LSAMP: variants seen among roughly 807,000 people sequenced by gnomAD.
LSAMP encodes the protein limbic system-associated membrane protein.
A neutral mutation model predicts 38.6 loss-of-function variants in LSAMP; 7 were observed. That is an observed-to-expected ratio of 0.18 (90% CI 0.10 to 0.34). The LOEUF is 0.34. Ranked by LOEUF, LSAMP falls within the 10% of genes least tolerant of loss-of-function variation. The probability of loss-of-function intolerance (pLI) is 1.00; values close to 1 mark genes in which losing one functional copy is unlikely to be tolerated. For missense variants in LSAMP, 313 were observed against 420.0 expected (o/e 0.75, Z 2.23); for synonymous variants, 154 against 166.8 (o/e 0.92, Z 0.59).
At chr3:116,231,322 C>T (rs554573701) in intron 1 of LSAMP, among the ~76,000 whole-genome samples, 2 of 152,144 alleles carry the variant, frequency 1.3e-5, no homozygotes, top group African/African-American at 4.8e-5. Context: ...TCTGACTGTT[C>T]TCCATGCTGA....
chr3:116,137,156 T>C (rs949195647), intron 1 of LSAMP, among the ~76,000 whole-genome samples: 1 of 152,060 alleles, frequency 6.6e-6, no homozygotes, highest in Non-Finnish European at 1.5e-5. Flanking sequence ...TGTCTTCTTC[T>C]TTTTATTTTT....
intron 1 of LSAMP, among the ~76,000 whole-genome samples, chr3:116,117,620 GA>G (rs1194602324): frequency 1.3e-5 from 2 of 152,224 alleles, no homozygotes; most frequent in Non-Finnish European, 2.9e-5. Context: ...TCTTGGCTGT[GA>G]TAGCTTCTCA....
chr3:116,169,814 T>A (rs558042518), intron 1 of LSAMP, among the ~76,000 whole-genome samples: 1 of 152,354 alleles, frequency 6.6e-6, no homozygotes, highest in South Asian at 2.1e-4. Flanking sequence ...CCACTCATGC[T>A]GTTGATTACT....
At chr3:115,905,213 CAG>C (rs1936979062) in intron 3 of LSAMP, among the ~76,000 whole-genome samples, 1 of 152,048 alleles carries the variant, frequency 6.6e-6, no homozygotes, top group Non-Finnish European at 1.5e-5. Flanking sequence ...ATTTTTAAGT[CAG>C]AGTCTGTCTC....
intron 1 of LSAMP, among the ~76,000 whole-genome samples, chr3:116,396,985 T>C (rs1410126769): frequency 6.6e-6 from 1 of 152,214 alleles, no homozygotes; most frequent in Non-Finnish European, 1.5e-5. Flanking sequence ...ATAGCTTTTG[T>C]CCATGCTATC....
chr3:115,810,093 C>A lies in LSAMP; in HGVS notation c.*224G>T, dbSNP rs182517694. On this transcript the variant is annotated 3_prime_UTR_variant, in exon 7 of 7. Transcript: ENST00000490035. Reference sequence around the variant, plus strand: ...CATATCCCAGTAGAACCTTCTCCATCCTGAATGATACATAAATTTTTAATG... The same window carrying A: ...CATATCCCAGTAGAACCTTCTCCATACTGAATGATACATAAATTTTTAATG... The A allele has an allele frequency of 2.6e-5, 13 of 504,486 alleles. No individual in the cohort carries two copies. In the Admixed American group the frequency reaches 2.7e-4, roughly 11 times the overall value. The allele number at this position is 504,486 out of a possible 1,614,324, so 31.3% of individuals were successfully genotyped here.
At chr3:115,923,844 G>A (rs979258404) in intron 3 of LSAMP, among the ~76,000 whole-genome samples, 5 of 152,076 alleles carry the variant, frequency 3.3e-5, no homozygotes, top group African/African-American at 1.2e-4. Flanking sequence ...AATATTCATA[G>A]CACTTTTTTC....
intron 1 of LSAMP, among the ~76,000 whole-genome samples, chr3:116,268,183 C>T (rs1465443582): frequency 1.3e-5 from 2 of 149,432 alleles, no homozygotes; most frequent in African/African-American, 2.5e-5. Flanking sequence ...TGTACTATTC[C>T]TAAACTATTA....
intron 2 of LSAMP, among the ~76,000 whole-genome samples, chr3:116,036,490 A>C (rs1576323485): frequency 1.3e-5 from 2 of 152,238 alleles, no homozygotes; most frequent in South Asian, 4.1e-4. Flanking sequence ...TCTTTGACTA[A>C]TTCTGTGCCT....
intron 2 of LSAMP, among the ~76,000 whole-genome samples, chr3:116,033,904 G>C (rs1940988362): frequency 6.6e-6 from 1 of 152,070 alleles, no homozygotes; most frequent in African/African-American, 2.4e-5. Flanking sequence ...AATTTTTCTT[G>C]CTTGACTTTG....
chr3:116,260,788 C>T (rs2046816008), intron 1 of LSAMP, among the ~76,000 whole-genome samples: 2 of 152,126 alleles, frequency 1.3e-5, no homozygotes, highest in Non-Finnish European at 2.9e-5. Flanking sequence ...GTATCTATGC[C>T]TTGAGGATAA....
chr3:116,431,829 A>G (rs549827410), intron 1 of LSAMP, among the ~76,000 whole-genome samples: 39 of 152,204 alleles, frequency 2.6e-4, no homozygotes, highest in African/African-American at 9.4e-4. Flanking sequence ...TTTGAAAGAA[A>G]ATAGAAATTT....
At chr3:116,420,513 AAACT>A (rs1454440254) in intron 1 of LSAMP, among the ~76,000 whole-genome samples, 9 of 152,204 alleles carry the variant, frequency 5.9e-5, no homozygotes, top group African/African-American at 2.2e-4. Context: ...ATCTAAGGAC[AAACT>A]AACATATTTC....
chr3:116,018,009 C>A (rs1940533656), intron 3 of LSAMP, among the ~76,000 whole-genome samples: 1 of 152,056 alleles, frequency 6.6e-6, no homozygotes, highest in Non-Finnish European at 1.5e-5. Flanking sequence ...TTAATTCATT[C>A]CAAGGGAAAG....
Position 115,810,268 on chromosome 3 carries a change from G to A in LSAMP, c.*49C>T, listed in dbSNP as rs760519637. On this transcript the variant is annotated 3_prime_UTR_variant, in exon 7 of 7. Transcript: ENST00000490035. ...CTGTCTCTCTCTCTCTGTATTCTGT[G>A]TGACGCATTTTTGTGTGTTTTTTAA... 1.7e-4 allele frequency: 216 copies of A among 1,259,308 alleles called. No individual in the cohort carries two copies. Among genetic ancestry groups the A allele is most frequent in the Non-Finnish European group, 2.2e-4 (197 of 887,684 alleles). 78.0% of individuals were successfully genotyped at this position (1,259,308 alleles called of 1,614,324 possible). A position where few individuals can be genotyped will look rare whatever the true frequency, so the allele number is the denominator to read the frequency against.
At chr3:116,105,176 G>GAAA (rs1559744261) in intron 1 of LSAMP, among the ~76,000 whole-genome samples, 1,495 of 134,122 alleles carry the variant, frequency 0.011, 24 homozygotes, top group African/African-American at 0.045. Flanking sequence ...TTGACTAGGG[G>GAAA]GAAAAAAAAA....
chr3:115,885,642 T>TG (rs1261573051), intron 3 of LSAMP, among the ~76,000 whole-genome samples: 1 of 39,376 alleles, frequency 2.5e-5, no homozygotes, highest in Non-Finnish European at 5.0e-5. Flanking sequence ...TGGGGGTGGG[T>TG]GGGGGGACAA....
rs188066043 is a variant in LSAMP, at chr3:116,124,942, G to T, written c.156-38386C>A. Among the ~76,000 whole-genome samples, 107 of 152,252 alleles carry T rather than the reference G, an allele frequency of 7.0e-4. 1 individual carries two copies. The highest frequency in any genetic ancestry group is 6.8e-3 in the Middle Eastern group (2 of 294). On this transcript the variant is annotated intron_variant, in intron 1 of 6. Coordinates refer to ENST00000490035, the MANE Select transcript of LSAMP (RefSeq NM_002338.5). ...GACTGATTTTTGCTGATTCTGGGTG[G>T]ATAAATCCGATAACAGTGTTTGGAA...
At position 116,302,902 on chromosome 3, in the gene LSAMP, G is replaced by A. The variant is rs939905117; in HGVS notation, c.155+141975C>T. Among the ~76,000 whole-genome samples, 7 of 152,292 alleles carry A rather than the reference G, an allele frequency of 4.6e-5. No individual in the cohort carries two copies. In the South Asian group the frequency reaches 1.4e-3, roughly 32 times the overall value. The stretch of plus-strand genomic sequence containing the variant: ...CAAAATAGGAAGGACTAGCCTGTAA[G>A]TTAGTCATATACATTTTTGTCAGCC... On this transcript the variant is annotated intron_variant, in intron 1 of 6. Coordinates refer to ENST00000490035, the MANE Select transcript of LSAMP (RefSeq NM_002338.5).
Sources: gnomAD v4.1 joint callset for allele counts (sites outside exome capture counted in the v4.1 genomes callset) on GRCh38, gnomAD v4.1.1 for gene constraint, MANE v1.5 for transcripts, NCBI Gene and HGNC (gene_info 2026-07-23, HGNC 2026-07-21) for gene names.